The following SERPINI1 variants were observed in gnomAD, a reference collection of about 807,000 sequenced individuals.
SERPINI1 encodes the protein serpin family I member 1, also known as neuroserpin.
Under a neutral mutation model 41.1 loss-of-function variants are expected in SERPINI1, and 19 were observed. That is an observed-to-expected ratio of 0.46 (90% confidence interval 0.32 to 0.68). The LOEUF is 0.68. Ranked by LOEUF, SERPINI1 falls within the 30% of genes least tolerant of loss-of-function variation. The pLI is 0.03. For missense variants in SERPINI1, 460 were observed against 479.2 expected (o/e 0.96, Z 0.37); for synonymous variants, 138 against 156.6 (o/e 0.88, Z 0.89).
At chr3:167,755,383 T>TA (rs1726162883) in intron 1 of SERPINI1, among the ~76,000 whole-genome samples, 1 of 152,198 alleles carries the variant, frequency 6.6e-6, no homozygotes, top group African/African-American at 2.4e-5. Context: ...AGGATACTGG[T>TA]AGATTCAATA....
intron 1 of SERPINI1, among the ~76,000 whole-genome samples, chr3:167,751,059 G>A (rs907206725): frequency 6.6e-6 from 1 of 151,948 alleles, no homozygotes; most frequent in Non-Finnish European, 1.5e-5. Context: ...GAAAATCCAC[G>A]GCAAGCTTAC....
At chr3:167,806,439 C>T (rs1711640879) in intron 5 of SERPINI1, among the ~76,000 whole-genome samples, 1 of 151,924 alleles carries the variant, frequency 6.6e-6, no homozygotes, top group Non-Finnish European at 1.5e-5. Flanking sequence ...TACATGTATA[C>T]CTATGTAACA....
intron 3 of SERPINI1, 96 bp from the exon 4 acceptor site, chr3:167,792,493 TG>T: frequency 2.1e-6 from 2 of 969,222 alleles, no homozygotes; most frequent in South Asian, 1.5e-5. Flanking sequence ...ACAGTTTCTC[TG>T]GACCACTCTA....
At chr3:167,757,326 C>A (rs180779014) in intron 1 of SERPINI1, among the ~76,000 whole-genome samples, 28 of 152,068 alleles carry the variant, frequency 1.8e-4, no homozygotes, top group Non-Finnish European at 3.5e-4. Context: ...ACTGAAAATA[C>A]GAATTTGCAT....
intron 1 of SERPINI1, among the ~76,000 whole-genome samples, chr3:167,776,422 T>C (rs532984718): frequency 6.2e-4 from 95 of 152,238 alleles, no homozygotes; most frequent in Non-Finnish European, 9.0e-4. Flanking sequence ...TGATTGATTT[T>C]GCTTTCCCCA....
At chr3:167,787,915 A>G (rs1186672332) in intron 1 of SERPINI1, among the ~76,000 whole-genome samples, 1 of 152,202 alleles carries the variant, frequency 6.6e-6, no homozygotes, top group East Asian at 1.9e-4. Context: ...AGCCTGTTGG[A>G]ATCACTCTGC....
intron 6 of SERPINI1, among the ~76,000 whole-genome samples, chr3:167,807,941 A>G (rs566513759): frequency 6.6e-6 from 1 of 152,012 alleles, no homozygotes; most frequent in Admixed American, 6.6e-5. Context: ...ACAGAGTGAA[A>G]CCCCATCTCT....
chr3:167,759,400 G>GTGTATGTATATATATATATATATATATA (rs964402772), intron 1 of SERPINI1, among the ~76,000 whole-genome samples: 100 of 121,146 alleles, frequency 8.3e-4, no homozygotes, highest in African/African-American at 2.8e-3. Flanking sequence ...AGAAAATGTG[G>GTGTATGTATATATATATATATATATATA]TATATATATA....
chr3:167,816,312 C>CT (rs1712087932), intron 6 of SERPINI1, among the ~76,000 whole-genome samples: 1 of 152,190 alleles, frequency 6.6e-6, no homozygotes, highest in Admixed American at 6.5e-5. Context: ...TCCCGTAGTG[C>CT]TGGGACTACA....
intron 1 of SERPINI1, among the ~76,000 whole-genome samples, chr3:167,756,394 C>G (rs962472761): frequency 6.6e-6 from 1 of 152,132 alleles, no homozygotes; most frequent in African/African-American, 2.4e-5. Context: ...ACCTCCCAGG[C>G]TCAGGTCATC....
intron 6 of SERPINI1, among the ~76,000 whole-genome samples, chr3:167,812,717 C>T (rs545472156): frequency 6.6e-6 from 1 of 152,098 alleles, no homozygotes; most frequent in Non-Finnish European, 1.5e-5. Context: ...ATGAGATGCT[C>T]GATATTTATT....
intron 1 of SERPINI1, among the ~76,000 whole-genome samples, chr3:167,744,797 TATATA>T (rs1725808733): frequency 7.9e-6 from 1 of 126,958 alleles, no homozygotes; most frequent in South Asian, 2.2e-4. Flanking sequence ...GTTATATATA[TATATA>T]ATATATAAAT....
chr3:167,755,527 T>C (rs1385321727), intron 1 of SERPINI1, among the ~76,000 whole-genome samples: 2 of 152,202 alleles, frequency 1.3e-5, no homozygotes, highest in Non-Finnish European at 2.9e-5. Context: ...GGTTAAGCAA[T>C]TCAGAGAGAG....
chr3:167,748,750 CTCTGTGTGTG>C (rs1725943065), intron 1 of SERPINI1, among the ~76,000 whole-genome samples: 1 of 104,356 alleles, frequency 9.6e-6, no homozygotes, highest in South Asian at 3.1e-4. Context: ...GAGTGTGTTA[CTCTGTGTGTG>C]TGTGTGTGTG....
At chr3:167,772,864 C>CTCTCTCTCTCTCTCTCTATATA (rs1374013676) in intron 1 of SERPINI1, among the ~76,000 whole-genome samples, 1 of 24,662 alleles carries the variant, frequency 4.1e-5, no homozygotes, top group Non-Finnish European at 6.5e-5. Context: ...CTCTCTCTCT[C>CTCTCTCTCTCTCTCTCTATATA]TATATATATA....
intron 5 of SERPINI1, among the ~76,000 whole-genome samples, chr3:167,803,208 A>G (rs1711509846): frequency 6.6e-6 from 1 of 151,914 alleles, no homozygotes; most frequent in Non-Finnish European, 1.5e-5. Flanking sequence ...GCGCACCAGC[A>G]TGGCACATGT....
chr3:167,756,020 A>G (rs1321191764), intron 1 of SERPINI1, among the ~76,000 whole-genome samples: 4 of 151,980 alleles, frequency 2.6e-5, no homozygotes, highest in Non-Finnish European at 5.9e-5. Flanking sequence ...ACTAGAGGCT[A>G]ATTAACCTGG....
intron 1 of SERPINI1, among the ~76,000 whole-genome samples, chr3:167,758,423 A>G (rs1162374010): frequency 6.6e-6 from 1 of 152,230 alleles, no homozygotes; most frequent in Non-Finnish European, 1.5e-5. Flanking sequence ...ATACATAAGT[A>G]AATGGGAGCA....
At chr3:167,823,136 G>A in intron 7 of SERPINI1, 64 bp downstream of exon 7, 2 of 1,091,840 alleles carry the variant, frequency 1.8e-6, no homozygotes, top group Non-Finnish European at 2.8e-6. Flanking sequence ...TCTTGAGTGG[G>A]GAGTGGGGTC....
Sources: allele counts gnomAD v4.1 joint callset (sites outside exome capture counted in the v4.1 genomes callset), GRCh38; gene constraint gnomAD v4.1.1; transcripts MANE v1.5; gene names NCBI Gene and HGNC (gene_info 2026-07-23, HGNC 2026-07-21).